AGTPBP1: variants seen among roughly 807,000 people sequenced by gnomAD.
AGTPBP1 encodes cytosolic carboxypeptidase 1.
In AGTPBP1, 70 loss-of-function variants were observed where a neutral mutation model predicts 143.9. That is an observed-to-expected ratio of 0.49 (90% CI 0.40 to 0.59). The LOEUF (loss-of-function observed/expected upper bound fraction) is 0.59. AGTPBP1 is among the 20% of genes least tolerant of loss of function. The pLI is 0.00. For missense variants in AGTPBP1, 1,229 were observed against 1,464.5 expected (o/e 0.84, Z 2.62); for synonymous variants, 463 against 500.2 (o/e 0.93, Z 0.99).
intron 2 of AGTPBP1, among the ~76,000 whole-genome samples, chr9:85,699,544 A>G (rs1836508441): frequency 6.6e-6 from 1 of 152,268 alleles, no homozygotes; most frequent in South Asian, 2.1e-4. Flanking sequence ...TAAAATATAA[A>G]TCAAATGCAG....
chr9:85,742,124 G>A, upstream of AGTPBP1: 3 of 881,978 alleles, frequency 3.4e-6, no homozygotes, highest in South Asian at 5.6e-5. Flanking sequence ...TGCGCGCTGC[G>A]CCCCGCCTCT....
chr9:85,560,968 T>C (rs115798522), intron 25 of AGTPBP1, among the ~76,000 whole-genome samples: 1,763 of 152,238 alleles, frequency 0.012, 41 homozygotes, highest in African/African-American at 0.04. Flanking sequence ...AAGCTCCAAA[T>C]TTAAGAAACT....
At chr9:85,575,013 A>C (rs1279939155) in intron 25 of AGTPBP1, among the ~76,000 whole-genome samples, 1 of 152,184 alleles carries the variant, frequency 6.6e-6, no homozygotes, top group African/African-American at 2.4e-5. Flanking sequence ...TCAGCTGTCT[A>C]AGCCCTCTTA....
At chr9:85,673,287 TA>T in intron 6 of AGTPBP1, among the ~76,000 whole-genome samples, 1 of 151,698 alleles carries the variant, frequency 6.6e-6, no homozygotes, top group Non-Finnish European at 1.5e-5. Context: ...AGACTGTCAT[TA>T]AAAAAAACTG....
intron 4 of AGTPBP1, among the ~76,000 whole-genome samples, 163 bp from the exon 5 acceptor site, chr9:85,678,561 C>A (rs1192064204): frequency 6.6e-6 from 1 of 152,106 alleles, no homozygotes; most frequent in Non-Finnish European, 1.5e-5. Context: ...TTTCCTTCTG[C>A]CTTTAAGAAT....
At chr9:85,776,994 G>A in the AGTPBP1 span, among the ~76,000 whole-genome samples, 1 of 152,182 alleles carries the variant, frequency 6.6e-6, no homozygotes, top group South Asian at 2.1e-4. Flanking sequence ...GTCCTGCAAA[G>A]TATTGTCATG....
intron 1 of AGTPBP1, among the ~76,000 whole-genome samples, chr9:85,725,823 A>G (rs895245915): frequency 1.3e-5 from 2 of 152,096 alleles, no homozygotes; most frequent in South Asian, 2.1e-4. Context: ...AGGCGGGCGA[A>G]TCACCTGAAG....
At chr9:85,748,553 T>C in the AGTPBP1 span, among the ~76,000 whole-genome samples, 1 of 152,212 alleles carries the variant, frequency 6.6e-6, no homozygotes, top group Admixed American at 6.5e-5. Flanking sequence ...CTTTCCATGA[T>C]TCCCCACTCC....
chr9:85,735,197 TAAAA>T (rs1588005409), intron 1 of AGTPBP1, among the ~76,000 whole-genome samples: 2 of 152,112 alleles, frequency 1.3e-5, no homozygotes, highest in African/African-American at 4.8e-5. Flanking sequence ...TATCCAGCCT[TAAAA>T]AGAAAGTCCT....
chr9:85,589,436 G>C, intron 20 of AGTPBP1, 92 bp downstream of exon 20: 1 of 1,463,864 alleles, frequency 6.8e-7, no homozygotes, highest in African/African-American at 1.4e-5. Context: ...TCTGATGTCT[G>C]TTCCTATTAT....
the AGTPBP1 span, among the ~76,000 whole-genome samples, chr9:85,777,495 C>T: frequency 7.2e-5 from 11 of 152,220 alleles, no homozygotes; most frequent in South Asian, 2.1e-3. Flanking sequence ...GAGCCCACAT[C>T]CCTGCCACCA....
At chr9:85,609,719 G>A (rs1830204048) in intron 17 of AGTPBP1, among the ~76,000 whole-genome samples, 1 of 152,114 alleles carries the variant, frequency 6.6e-6, no homozygotes, top group Admixed American at 6.5e-5. Flanking sequence ...GAATGACAGG[G>A]ATATCTCAAA....
At chr9:85,599,588 C>G (rs1829533568) in intron 17 of AGTPBP1, among the ~76,000 whole-genome samples, 1 of 152,176 alleles carries the variant, frequency 6.6e-6, no homozygotes, top group African/African-American at 2.4e-5. Flanking sequence ...ATATTACCCC[C>G]CTTAGAATAT....
At chr9:85,780,328 T>A in the AGTPBP1 span, among the ~76,000 whole-genome samples, 1 of 147,480 alleles carries the variant, frequency 6.8e-6, no homozygotes, top group African/African-American at 2.5e-5. Context: ...CTTTAAGTTA[T>A]ATTGTGGCAT....
At chr9:85,772,550 C>A in the AGTPBP1 span, among the ~76,000 whole-genome samples, 12 of 152,192 alleles carry the variant, frequency 7.9e-5, no homozygotes, top group East Asian at 2.3e-3. Flanking sequence ...AATTCAAGAC[C>A]AGCTTGGGCA....
chr9:85,585,398 GTTC>G (rs1301156078), intron 23 of AGTPBP1, 62 bp downstream of exon 23: 7 of 1,415,004 alleles, frequency 4.9e-6, no homozygotes, highest in Middle Eastern at 3.8e-4. Flanking sequence ...GTTCATATAT[GTTC>G]TTTTCTGTAC....
At chr9:85,686,196 T>C (rs933799235) in intron 3 of AGTPBP1, among the ~76,000 whole-genome samples, 3 of 151,870 alleles carry the variant, frequency 2.0e-5, no homozygotes, top group Admixed American at 6.6e-5. Context: ...GATCCAACTA[T>C]ATACTGTCTA....
chr9:85,728,030 TACAC>T (rs57676033), intron 1 of AGTPBP1, among the ~76,000 whole-genome samples: 8,685 of 128,268 alleles, frequency 0.068, 353 homozygotes, highest in East Asian at 0.14. Flanking sequence ...TATATTTATA[TACAC>T]ACACACACAC....
At position 85,589,458 on chromosome 9, in the gene AGTPBP1, T is replaced by C. The variant is rs1390629504; in HGVS notation, c.2722+70A>G. On this transcript the variant is annotated intron_variant, in intron 20 of 25. Transcript: ENST00000357081. ...TCTGTTCCTATTATCATTTCCATTA[T>C]AAAATACGGTTAAAGCAAATCAAAG... 2.6e-5 allele frequency: 39 copies of C among 1,507,418 alleles called. No individual in the cohort carries two copies. In the Middle Eastern group the frequency reaches 1.1e-3, roughly 41 times the overall value. The allele number at this position is 1,507,418 out of a possible 1,614,324, so 93.4% of individuals were successfully genotyped here.
Sources: allele counts gnomAD v4.1 joint callset (sites outside exome capture counted in the v4.1 genomes callset), GRCh38; gene constraint gnomAD v4.1.1; transcripts MANE v1.5; gene names NCBI Gene and HGNC (gene_info 2026-07-23, HGNC 2026-07-21).